MAP4K4: variants seen among roughly 807,000 people sequenced by gnomAD.
MAP4K4 encodes mitogen-activated protein kinase kinase kinase kinase 4.
A neutral mutation model predicts 189.6 loss-of-function variants in MAP4K4; 38 were observed. The ratio of observed to expected loss-of-function variants is 0.20; its 90% CI spans 0.15 to 0.26. The LOEUF (loss-of-function observed/expected upper bound fraction) is 0.26. MAP4K4 is among the 10% of genes least tolerant of loss of function. MAP4K4 has a pLI of 1.00. For synonymous variants in MAP4K4, 610 were observed against 624.3 expected, an observed-to-expected ratio of 0.98 and a Z score of 0.34; for missense variants, 1,054 against 1,726.9, an observed-to-expected ratio of 0.61 and a Z score of 6.91.
chr2:101,872,064 A>G (rs918839307), intron 24 of MAP4K4, among the ~76,000 whole-genome samples: 1 of 152,172 alleles, frequency 6.6e-6, no homozygotes, highest in Non-Finnish European at 1.5e-5. Flanking sequence ...TTTTTATCCA[A>G]TAAATAAAAT....
Position 101,882,203 on chromosome 2 carries a change from A to G in MAP4K4, c.3386-348A>G, listed in dbSNP as rs563236045. ...GAATTCTAGACATACTGATAGGTGTATGAAATCATCTTATTACTGTTTTAA... is the reference window on the plus strand; with the variant it reads ...GAATTCTAGACATACTGATAGGTGTGTGAAATCATCTTATTACTGTTTTAA... On this transcript the variant is annotated intron_variant, in intron 27 of 32. Transcript: ENST00000324219. Among the ~76,000 whole-genome samples, 7 of 152,360 alleles carry G rather than the reference A, an allele frequency of 4.6e-5. No homozygotes were observed. In the East Asian group the frequency reaches 9.6e-4, roughly 21 times the overall value.
At chr2:101,705,213 G>A (rs182564181) in intron 2 of MAP4K4, among the ~76,000 whole-genome samples, 1 of 152,344 alleles carries the variant, frequency 6.6e-6, no homozygotes, top group Admixed American at 6.5e-5. Context: ...GTGGTTTCAT[G>A]CAGGTACTGT....
chr2:101,853,157 T>G (rs540100640), intron 12 of MAP4K4, among the ~76,000 whole-genome samples: 12 of 152,304 alleles, frequency 7.9e-5, no homozygotes, highest in African/African-American at 2.6e-4. Context: ...AGTTGCCAGG[T>G]GCTGTTTGTC....
chr2:101,845,367 C>T (rs1191192256), intron 12 of MAP4K4, among the ~76,000 whole-genome samples: 2 of 152,082 alleles, frequency 1.3e-5, no homozygotes, highest in Non-Finnish European at 2.9e-5. Flanking sequence ...TTTTAATGCA[C>T]AGAAATATAT....
intron 3 of MAP4K4, among the ~76,000 whole-genome samples, chr2:101,808,921 C>G (rs1223178984): frequency 6.6e-6 from 1 of 151,974 alleles, no homozygotes; most frequent in African/African-American, 2.4e-5. Context: ...ACAGTCTCAC[C>G]CCCCCGACGT....
intron 2 of MAP4K4, among the ~76,000 whole-genome samples, chr2:101,770,240 A>ATTTTTTTTTTTTT (rs34574782): frequency 1.3e-5 from 1 of 75,158 alleles, no homozygotes; most frequent in Non-Finnish European, 2.4e-5. Context: ...GTTCATTCTG[A>ATTTTTTTTTTTTT]TTTTTTTTTT....
intron 7 of MAP4K4, among the ~76,000 whole-genome samples, chr2:101,833,967 A>C (rs946345004): frequency 6.6e-6 from 1 of 151,966 alleles, no homozygotes; most frequent in Non-Finnish European, 1.5e-5. Context: ...TAAAATCTTA[A>C]TTAAATTTGA....
intron 2 of MAP4K4, among the ~76,000 whole-genome samples, chr2:101,738,666 G>T (rs994903232): frequency 6.6e-6 from 1 of 152,074 alleles, no homozygotes; most frequent in East Asian, 1.9e-4. Context: ...TTGGATTGCT[G>T]TAAGGACCTT....
At chr2:101,862,239 TTA>T (rs2097683641) in intron 16 of MAP4K4, 1 of 78,114 alleles carries the variant, frequency 1.3e-5, no homozygotes, top group Admixed American at 1.5e-4. Context: ...AGACTCCATC[TTA>T]AAAAAAAAAA....
rs150085675 is a variant in MAP4K4 at position 101,729,004 on chromosome 2, G to A, written c.123+30466G>A. 9.1e-3 allele frequency among the ~76,000 whole-genome samples: 1,379 copies of A among 152,080 alleles called. 28 individuals are homozygous for A. Among genetic ancestry groups the A allele is most frequent in the African/African-American group, 0.032 (1,328 of 41,468 alleles). Reference sequence around the variant, plus strand: ...CAAATGTTCAGTTTCAGGAAATTGTGAAGATGTAATGAATGAAACAGATGA... The same window carrying A: ...CAAATGTTCAGTTTCAGGAAATTGTAAAGATGTAATGAATGAAACAGATGA... On this transcript the variant is annotated intron_variant, in intron 2 of 32. Transcript: ENST00000324219.
chr2:101,841,510 C>G (rs1036823428), intron 10 of MAP4K4, among the ~76,000 whole-genome samples: 2 of 151,862 alleles, frequency 1.3e-5, no homozygotes, highest in Non-Finnish European at 2.9e-5. Flanking sequence ...GCTCTGTCAC[C>G]CAGGCTGGAG....
intron 6 of MAP4K4, 90 bp downstream of exon 6, chr2:101,829,684 C>T (rs1188572907): frequency 2.4e-6 from 2 of 818,186 alleles, no homozygotes; most frequent in Non-Finnish European, 4.1e-6. Flanking sequence ...GCTAAAAGTT[C>T]AGTCTTACCC....
At chr2:101,837,796 C>T (rs1435847661) in intron 9 of MAP4K4, among the ~76,000 whole-genome samples, 2 of 152,088 alleles carry the variant, frequency 1.3e-5, no homozygotes, top group Non-Finnish European at 2.9e-5. Flanking sequence ...ATTTTTCTGC[C>T]CATTAGCTAC....
chr2:101,734,245 A>T (rs2059555544), intron 2 of MAP4K4, among the ~76,000 whole-genome samples: 1 of 152,210 alleles, frequency 6.6e-6, no homozygotes, highest in South Asian at 2.1e-4. Context: ...ATTAAGGAAA[A>T]TGTAAAATAA....
intron 11 of MAP4K4, among the ~76,000 whole-genome samples, chr2:101,843,362 T>C (rs1229278876): frequency 2.6e-5 from 4 of 152,208 alleles, no homozygotes; most frequent in Non-Finnish European, 4.4e-5. Context: ...AGAGAATTTA[T>C]TGAAGCTACT....
intron 2 of MAP4K4, among the ~76,000 whole-genome samples, chr2:101,746,050 A>G (rs1282067246): frequency 1.3e-5 from 2 of 151,588 alleles, no homozygotes; most frequent in Non-Finnish European, 2.9e-5. Flanking sequence ...GAATACAGTG[A>G]TGTGATCATA....
At chr2:101,834,457 G>A in exon 8 of MAP4K4, 1 of 1,608,278 alleles carries the variant, frequency 6.2e-7, no homozygotes, top group African/African-American at 1.3e-5. Flanking sequence ...GGCAGAAGGT[G>A]CTCCCCGTAA....
At chr2:101,822,951 G>A (rs2096159181) in intron 3 of MAP4K4, among the ~76,000 whole-genome samples, 1 of 152,140 alleles carries the variant, frequency 6.6e-6, no homozygotes, top group African/African-American at 2.4e-5. Context: ...TTCCTGCACA[G>A]TTTCTCTTCT....
chr2:101,874,447 T>C (rs2098139462), intron 26 of MAP4K4, among the ~76,000 whole-genome samples, 195 bp downstream of exon 26: 1 of 152,238 alleles, frequency 6.6e-6, no homozygotes, highest in Non-Finnish European at 1.5e-5. Flanking sequence ...TCATTTTAAC[T>C]GTCAAATATT....
Sources: gnomAD v4.1 joint callset for allele counts (sites outside exome capture counted in the v4.1 genomes callset) on GRCh38, gnomAD v4.1.1 for gene constraint, MANE v1.5 for transcripts, NCBI Gene and HGNC (gene_info 2026-07-23, HGNC 2026-07-21) for gene names.